Variants in PBX3 observed in about 807,000 individuals in gnomAD.
PBX3 encodes PBX homeobox 3.
PBX3 carries 14 observed loss-of-function variants against 48.5 expected under a neutral mutation model. The observed-to-expected ratio is 0.29, with a 90% confidence interval of 0.19 to 0.45. PBX3 has a LOEUF of 0.45. Among genes scored for constraint, PBX3 ranks in the 20% least tolerant of loss-of-function variants. The pLI is 1.00. For missense variants in PBX3, 386 were observed against 546.7 expected, an observed-to-expected ratio of 0.71 and a Z score of 2.93; for synonymous variants, 210 against 200.3, an observed-to-expected ratio of 1.05 and a Z score of -0.41.
chr9:125,962,974 G>T (rs1214242300), intron 7 of PBX3, 38 bp from the exon 8 acceptor site: 6 of 1,159,360 alleles, frequency 5.2e-6, no homozygotes, highest in Non-Finnish European at 7.7e-6. Context: ...CGTTTTAATA[G>T]ATTTGGGATG....
intron 2 of PBX3, among the ~76,000 whole-genome samples, chr9:125,851,741 C>T (rs962966310): frequency 1.3e-5 from 2 of 151,926 alleles, no homozygotes; most frequent in African/African-American, 4.8e-5. Context: ...TTCTTAAGAA[C>T]TTTTATTATA....
chr9:125,817,233 T>C (rs572961115), intron 2 of PBX3, among the ~76,000 whole-genome samples: 1 of 152,336 alleles, frequency 6.6e-6, no homozygotes, highest in East Asian at 1.9e-4. Flanking sequence ...AGATGAAGTT[T>C]AGATACAACA....
chr9:125,954,015 G>A (rs1842249981), intron 5 of PBX3, among the ~76,000 whole-genome samples: 1 of 152,196 alleles, frequency 6.6e-6, no homozygotes, highest in Admixed American at 6.5e-5. Context: ...CCCAGAAAGT[G>A]GCTGTGATGG....
At chr9:125,779,564 A>G (rs1217098602) in intron 2 of PBX3, among the ~76,000 whole-genome samples, 1 of 93,100 alleles carries the variant, frequency 1.1e-5, no homozygotes, top group South Asian at 3.4e-4. Context: ...TTCAGAGAGC[A>G]CAGGGTTGGG....
intron 3 of PBX3, among the ~76,000 whole-genome samples, chr9:125,923,604 C>T (rs1411677786): frequency 6.6e-6 from 1 of 152,126 alleles, no homozygotes; most frequent in East Asian, 1.9e-4. Context: ...CTTGCTGTGT[C>T]ACCCAGGCTG....
chr9:125,781,116 G>T (rs1264149185), intron 2 of PBX3, among the ~76,000 whole-genome samples: 2 of 150,838 alleles, frequency 1.3e-5, no homozygotes, highest in African/African-American at 4.9e-5. Context: ...CCCAGACGGG[G>T]TGGTGGCTGG....
chr9:125,926,108 A>G (rs1010125630), intron 3 of PBX3, among the ~76,000 whole-genome samples: 1 of 152,270 alleles, frequency 6.6e-6, no homozygotes, highest in Non-Finnish European at 1.5e-5. Context: ...AGTTGGTCAC[A>G]TTACATAACT....
At chr9:125,836,223 A>T (rs2132212361) in intron 2 of PBX3, among the ~76,000 whole-genome samples, 1 of 152,312 alleles carries the variant, frequency 6.6e-6, no homozygotes, top group Non-Finnish European at 1.5e-5. Context: ...AGGCAGGTGG[A>T]TCATGAGGTC....
intron 2 of PBX3, among the ~76,000 whole-genome samples, chr9:125,766,169 C>T (rs1564643703): frequency 1.3e-5 from 2 of 151,860 alleles, no homozygotes; most frequent in Non-Finnish European, 2.9e-5. Context: ...AAATGCATGC[C>T]TTCTCCATGT....
chr9:125,895,505 G>A (rs1338866463), intron 2 of PBX3, among the ~76,000 whole-genome samples: 1 of 151,906 alleles, frequency 6.6e-6, no homozygotes, highest in Non-Finnish European at 1.5e-5. Context: ...GAAATTATAG[G>A]TACTCAGTAC....
At chr9:125,881,186 G>A (rs1840372678) in intron 2 of PBX3, among the ~76,000 whole-genome samples, 1 of 152,094 alleles carries the variant, frequency 6.6e-6, no homozygotes, top group African/African-American at 2.4e-5. Flanking sequence ...TCTCATCTTT[G>A]TATTTACTCC....
chr9:125,915,968 G>T, intron 3 of PBX3, 41 bp downstream of exon 3: 3 of 1,599,498 alleles, frequency 1.9e-6, no homozygotes, highest in Non-Finnish European at 2.6e-6. Flanking sequence ...CAAACCCTCT[G>T]TTGCTCTTCT....
At chr9:125,752,574 C>G (rs567867292) in intron 2 of PBX3, among the ~76,000 whole-genome samples, 1 of 149,532 alleles carries the variant, frequency 6.7e-6, no homozygotes, top group Non-Finnish European at 1.5e-5. Flanking sequence ...TACTGTCATT[C>G]GACACCTCTC....
intron 3 of PBX3, among the ~76,000 whole-genome samples, chr9:125,917,849 C>G (rs903864430): frequency 6.6e-6 from 1 of 152,102 alleles, no homozygotes; most frequent in Non-Finnish European, 1.5e-5. Context: ...TGTCTAGTCT[C>G]ATTTGTAAGA....
At chr9:125,946,486 A>G (rs116754277) in intron 5 of PBX3, among the ~76,000 whole-genome samples, 1,693 of 152,280 alleles carry the variant, frequency 0.011, 45 homozygotes, top group African/African-American at 0.038. Context: ...CTTAATATCT[A>G]TAATGGGGGA....
At chr9:125,797,479 T>C (rs1201428815) in intron 2 of PBX3, 1 of 152,142 alleles carries the variant, frequency 6.6e-6, no homozygotes, top group African/African-American at 2.4e-5. Flanking sequence ...AGTTATTTAA[T>C]TCTCAGAAAA....
intron 3 of PBX3, among the ~76,000 whole-genome samples, chr9:125,921,584 T>TA (rs895103639): frequency 5.9e-5 from 9 of 152,200 alleles, no homozygotes; most frequent in African/African-American, 2.2e-4. Flanking sequence ...GATAGGTCCC[T>TA]AAACCATGTA....
chr9:125,869,529 A>T (rs1840066334), intron 2 of PBX3, among the ~76,000 whole-genome samples: 1 of 152,206 alleles, frequency 6.6e-6, no homozygotes, highest in African/African-American at 2.4e-5. Flanking sequence ...ATCAGAGAAA[A>T]GAGCAACAAT....
chr9:125,945,065 A>G (rs926552612), intron 5 of PBX3, among the ~76,000 whole-genome samples: 2 of 152,102 alleles, frequency 1.3e-5, no homozygotes, highest in African/African-American at 4.8e-5. Flanking sequence ...TCTACTAAAA[A>G]TACAAAAAAT....
Sources: gnomAD v4.1 joint callset for allele counts (sites outside exome capture counted in the v4.1 genomes callset) on GRCh38, gnomAD v4.1.1 for gene constraint, MANE v1.5 for transcripts, NCBI Gene and HGNC (gene_info 2026-07-23, HGNC 2026-07-21) for gene names.